The following EXO1 variants were observed in gnomAD, a reference collection of about 807,000 sequenced individuals.
EXO1 encodes exonuclease 1.
A neutral mutation model predicts 84.5 loss-of-function variants in EXO1; 69 were observed. The observed-to-expected ratio is 0.82, with a 90% confidence interval of 0.67 to 1.00. The LOEUF is 1.00. Among genes scored for constraint, EXO1 ranks in the 50% least tolerant of loss-of-function variants. EXO1 has a pLI of 0.00. For synonymous variants in EXO1, 373 were observed against 366.1 expected, an observed-to-expected ratio of 1.02 and a Z score of -0.21; for missense variants, 1,045 against 1,000.7, an observed-to-expected ratio of 1.04 and a Z score of -0.60.
chr1:241,879,890 C>T (rs1307977502), intron 13 of EXO1, among the ~76,000 whole-genome samples: 3 of 151,748 alleles, frequency 2.0e-5, no homozygotes, highest in Non-Finnish European at 4.4e-5. Context: ...ACCTGTGATC[C>T]CAGCTATTCG....
At chr1:241,871,522 C>T (rs1489295267) in intron 11 of EXO1, among the ~76,000 whole-genome samples, 1 of 152,194 alleles carries the variant, frequency 6.6e-6, no homozygotes. Context: ...TCTTGGGCCT[C>T]ATAGTGAAGT....
At chr1:241,866,755 A>G in intron 10 of EXO1, 75 bp from the exon 11 acceptor site, 1 of 1,114,904 alleles carries the variant, frequency 9.0e-7, no homozygotes, top group Non-Finnish European at 1.4e-6. Flanking sequence ...TTTATTTATA[A>G]TTTATGTTGA....
intron 13 of EXO1, among the ~76,000 whole-genome samples, chr1:241,879,557 G>A: frequency 6.6e-6 from 1 of 152,094 alleles, no homozygotes. Flanking sequence ...AATTAACTCT[G>A]TATATTTCCT....
chr1:241,871,924 T>TA (rs1380899691), intron 11 of EXO1, 108 bp from the exon 12 acceptor site: 6 of 748,772 alleles, frequency 8.0e-6, no homozygotes, highest in Non-Finnish European at 1.3e-5. Flanking sequence ...TTTTTTTTTT[T>TA]TTTTTAAAGT....
intron 15 of EXO1, among the ~76,000 whole-genome samples, chr1:241,888,659 G>T (rs758897108): frequency 1.3e-5 from 2 of 152,126 alleles, no homozygotes; most frequent in Non-Finnish European, 2.9e-5. Context: ...AAGATGTACT[G>T]GTATTTAATT....
chr1:241,868,074 C>G (rs1395816817), intron 11 of EXO1, among the ~76,000 whole-genome samples: 1 of 151,858 alleles, frequency 6.6e-6, no homozygotes, highest in Admixed American at 6.6e-5. Flanking sequence ...GACCCTGTCT[C>G]CACAAAAAAA....
intron 10 of EXO1, among the ~76,000 whole-genome samples, chr1:241,863,290 G>A (rs1467758786): frequency 2.6e-5 from 4 of 151,900 alleles, no homozygotes; most frequent in African/African-American, 7.3e-5. Context: ...GACCATTTTC[G>A]TAAATAGGGG....
intron 11 of EXO1, among the ~76,000 whole-genome samples, chr1:241,869,700 T>C (rs1033287099): frequency 2.0e-5 from 3 of 152,188 alleles, no homozygotes; most frequent in Non-Finnish European, 2.9e-5. Flanking sequence ...ACTTGTTATA[T>C]AAGAAGTACA....
intron 6 of EXO1, among the ~76,000 whole-genome samples, chr1:241,855,502 G>A (rs918744113): frequency 1.3e-5 from 2 of 152,220 alleles, no homozygotes; most frequent in African/African-American, 4.8e-5. Flanking sequence ...CCAGACTCAG[G>A]AGCCCAGCTG....
At chr1:241,851,429 C>A (rs367909582) in intron 4 of EXO1, among the ~76,000 whole-genome samples, 1 of 152,082 alleles carries the variant, frequency 6.6e-6, no homozygotes, top group Non-Finnish European at 1.5e-5. Flanking sequence ...TTTAAAAGGT[C>A]ATCTTTTTTT....
rs1340399683 is a variant in EXO1 at position 241,848,332 on chromosome 1, G to T, written c.-441G>T. ...CGCAATCGGCTCCGCTCAAGGGGAG[G>T]AGGAGAGTCCCTTCTCGGAAGGTGA... is the stretch of plus-strand genomic sequence containing the variant. On this transcript the variant is annotated 5_prime_UTR_variant, in exon 1 of 16. Coordinates refer to ENST00000366548, the MANE Select transcript of EXO1 (RefSeq NM_130398.4). The surrounding 1 kb of genome is among the most constrained non-coding windows in gnomAD (Gnocchi z 4.2). 1 of 152,458 alleles carries T rather than the reference G, an allele frequency of 6.6e-6. No homozygotes were observed. The highest frequency in any genetic ancestry group is 1.5e-5 in the Non-Finnish European group (1 of 68,226). The allele number at this position is 152,458 out of a possible 1,614,324, so 9.4% of individuals were successfully genotyped here. A position where few individuals can be genotyped will look rare whatever the true frequency, so the allele number is the denominator to read the frequency against.
intron 11 of EXO1, among the ~76,000 whole-genome samples, chr1:241,871,107 G>C (rs187863207): frequency 6.6e-6 from 1 of 152,148 alleles, no homozygotes; most frequent in African/African-American, 2.4e-5. Flanking sequence ...TTAATCTGGT[G>C]TGGCTTCTGA....
chr1:241,865,093 C>G (rs1185652849), intron 10 of EXO1, among the ~76,000 whole-genome samples: 1 of 151,038 alleles, frequency 6.6e-6, no homozygotes, highest in Non-Finnish European at 1.5e-5. Flanking sequence ...TAGTCTTGAA[C>G]TCCTGGCCTG....
intron 3 of EXO1, among the ~76,000 whole-genome samples, chr1:241,849,833 T>C (rs987562275): frequency 1.3e-5 from 2 of 152,198 alleles, no homozygotes; most frequent in African/African-American, 4.8e-5. Context: ...GGAGTGAAAG[T>C]GCAAAAGCAC....
intron 4 of EXO1, 35 bp downstream of exon 4, chr1:241,850,621 T>G: frequency 6.3e-7 from 1 of 1,575,578 alleles, no homozygotes; most frequent in Non-Finnish European, 8.7e-7. Context: ...CTTTGACAAT[T>G]AAGAATGAGA....
At chr1:241,852,205 C>T (rs147050770) in intron 4 of EXO1, 87 bp from the exon 5 acceptor site, 1,553 of 1,177,086 alleles carry the variant, frequency 1.3e-3, no homozygotes, top group Middle Eastern at 3.1e-3. Flanking sequence ...CCTTCTCTTT[C>T]CATAGTTTTC....
At chr1:241,861,587 T>C in intron 10 of EXO1, 85 bp downstream of exon 10, 1 of 793,792 alleles carries the variant, frequency 1.3e-6, no homozygotes, top group Middle Eastern at 2.2e-4. Flanking sequence ...TACACTAAGC[T>C]TCTTTTAAGC....
intron 15 of EXO1, 63 bp from the exon 16 acceptor site, chr1:241,889,402 A>G (rs1663255765): frequency 1.4e-6 from 2 of 1,455,352 alleles, no homozygotes; most frequent in South Asian, 2.3e-5. Context: ...GTCCAGGTAG[A>G]ATATTTCTTC....
intron 5 of EXO1, 84 bp from the exon 6 acceptor site, chr1:241,853,274 A>G: frequency 1.3e-6 from 2 of 1,487,144 alleles, no homozygotes; most frequent in Non-Finnish European, 1.9e-6. Flanking sequence ...GTTCTAGGAA[A>G]GCTTCTTGAA....
Sources: gnomAD v4.1 joint callset for allele counts (sites outside exome capture counted in the v4.1 genomes callset) on GRCh38, gnomAD v4.1.1 for gene constraint, Gnocchi (gnomAD v3.1) non-coding constraint, MANE v1.5 for transcripts, NCBI Gene and HGNC (gene_info 2026-07-23, HGNC 2026-07-21) for gene names.